Variants in TARS2 observed in about 807,000 individuals in gnomAD.
TARS2 encodes threonyl-tRNA synthetase 2, mitochondrial.
Under a neutral mutation model 94.4 loss-of-function variants are expected in TARS2, and 61 were observed. The ratio of observed to expected loss-of-function variants is 0.65; its 90% CI spans 0.53 to 0.80. The LOEUF (loss-of-function observed/expected upper bound fraction) is 0.80, where lower values mean the gene tolerates loss of function less well. TARS2 is among the 30% of genes least tolerant of loss of function. The pLI is 0.00. For synonymous variants in TARS2, 359 were observed against 353.4 expected, an observed-to-expected ratio of 1.02 and a Z score of -0.18; for missense variants, 704 against 902.5, an observed-to-expected ratio of 0.78 and a Z score of 2.82.
chr1:150,503,398 A>G (rs764380257), intron 13 of TARS2, among the ~76,000 whole-genome samples: 1 of 151,748 alleles, frequency 6.6e-6, no homozygotes, highest in African/African-American at 2.4e-5. Context: ...AATAGGAATA[A>G]TTGTCATGGC....
rs1225528283 is a variant in TARS2 at position 150,507,111 on chromosome 1, C to T, written c.*47C>T. ...AAAAACCTGCGAGTGCCATCAGCCT[C>T]CCTCACATGGGAGACCCCAACCCAG... is the stretch of plus-strand genomic sequence containing the variant. On this transcript the variant is annotated 3_prime_UTR_variant, in exon 18 of 18. Transcript: ENST00000369064. The T allele has an allele frequency of 1.2e-6, 2 of 1,608,540 alleles. No individual in the cohort carries two copies. Among genetic ancestry groups the T allele is most frequent in the Non-Finnish European group, 1.7e-6 (2 of 1,177,034 alleles).
intron 13 of TARS2, among the ~76,000 whole-genome samples, chr1:150,499,512 C>T (rs1057030705): frequency 4.6e-5 from 7 of 151,858 alleles, no homozygotes; most frequent in African/African-American, 1.2e-4. Flanking sequence ...TACAGGTGTA[C>T]GCCACCACAC....
intron 13 of TARS2, among the ~76,000 whole-genome samples, chr1:150,499,587 A>C (rs1669821928): frequency 6.6e-6 from 1 of 152,118 alleles, no homozygotes; most frequent in African/African-American, 2.4e-5. Context: ...ACTGGTCTCG[A>C]ACTCCTGACC....
At chr1:150,492,155 G>A (rs1026259004) in intron 6 of TARS2, 13 of 368,054 alleles carry the variant, frequency 3.5e-5, no homozygotes, top group East Asian at 2.3e-4. Context: ...TAGTAGAGAC[G>A]GGGTTTCACC....
rs9436118 is a variant in TARS2, at chr1:150,490,335, C to T, written c.388-266C>T. On this transcript the variant is annotated intron_variant, in intron 3 of 17. Transcript: ENST00000369064. Reference sequence around the variant, plus strand: ...GGTTTCACCATGTTGGCCAGACTGGCCTCGAACTCCTGACCTCAGATGATC... The same window carrying T: ...GGTTTCACCATGTTGGCCAGACTGGTCTCGAACTCCTGACCTCAGATGATC... Among the ~76,000 whole-genome samples, 87,988 of 151,412 alleles carry T rather than the reference C, an allele frequency of 0.58. 26,006 individuals are homozygous for T. Among genetic ancestry groups the T allele is most frequent in the Non-Finnish European group, 0.61 (41,736 of 67,864 alleles).
intron 10 of TARS2, among the ~76,000 whole-genome samples, chr1:150,498,049 C>T (rs915664151): frequency 3.4e-5 from 5 of 149,200 alleles, no homozygotes; most frequent in African/African-American, 7.4e-5. Context: ...GCCGAGATCG[C>T]GCCACTGCAC....
intron 6 of TARS2, 70 bp from the exon 7 acceptor site, chr1:150,492,341 G>T: frequency 6.7e-7 from 1 of 1,489,600 alleles, no homozygotes; most frequent in South Asian, 1.1e-5. Context: ...GTCAGCTAAA[G>T]ACCATGAGAG....
At chr1:150,502,263 G>A (rs587755489) in intron 13 of TARS2, among the ~76,000 whole-genome samples, 1 of 149,162 alleles carries the variant, frequency 6.7e-6, no homozygotes, top group South Asian at 2.1e-4. Flanking sequence ...TTGCTCTGTT[G>A]CCAGACTGAA....
In TARS2 at chr1:150,487,520, C is replaced by A; in HGVS notation, c.66+4C>A. The A allele has an allele frequency of 6.2e-7, 1 of 1,614,224 alleles. No homozygotes were observed. The highest frequency in any genetic ancestry group is 1.1e-5 in the South Asian group (1 of 91,090). ...ACAGGCTTGCAGGCTACACACGGTGCGTGAGGCACCCCCAAAGCTCCGATC... is the reference window on the plus strand; with the variant it reads ...ACAGGCTTGCAGGCTACACACGGTGAGTGAGGCACCCCCAAAGCTCCGATC... On this transcript the variant is annotated splice_donor_region_variant and intron_variant, in intron 1 of 17. Transcript: ENST00000369064.
chr1:150,502,367 C>T (rs1180195840), intron 13 of TARS2, among the ~76,000 whole-genome samples: 1 of 149,450 alleles, frequency 6.7e-6, no homozygotes, highest in Non-Finnish European at 1.5e-5. Context: ...GACAGGTGTG[C>T]ACCACCACGC....
chr1:150,489,126 A>C (rs745485748), intron 3 of TARS2, 39 bp downstream of exon 3: 1 of 1,613,428 alleles, frequency 6.2e-7, no homozygotes, highest in Non-Finnish European at 8.5e-7. Flanking sequence ...TGACTACTAA[A>C]CCAAGAGATA....
intron 3 of TARS2, 174 bp downstream of exon 3, chr1:150,489,261 A>G: frequency 1.1e-6 from 1 of 911,652 alleles, no homozygotes; most frequent in Non-Finnish European, 1.7e-6. Flanking sequence ...AAAGTTTTTA[A>G]CTTAGCTTCG....
In TARS2 at chr1:150,496,468, A is replaced by C. The variant is rs767358679; in HGVS notation, c.775-14A>C. The C allele has an allele frequency of 3.7e-6, 6 of 1,601,396 alleles. No individual in the cohort carries two copies. The East Asian group carries it at 1.3e-4, about 36-fold the overall frequency. On this transcript the variant is annotated splice_polypyrimidine_tract_variant and intron_variant, in intron 7 of 17. Transcript: ENST00000369064. ...GTCCTCATCTTTCCTTTGATCCCCT[A>C]TGTCCTCACACAGAACTCATCATCC...
Position 150,491,401 on chromosome 1 carries a change from C to T in TARS2, c.520C>T (p.Arg174Trp), listed in dbSNP as rs587652229. The change falls in exon 5 of 18, where the codon CGG (arginine) becomes TGG (tryptophan). Residue 174 changes from arginine to tryptophan, a missense_variant. Around this residue, in one of 3 missense-constraint regions of TARS2, gnomAD observed 208 missense variants for 228.5 expected, o/e 0.91. Transcript: ENST00000369064. ...DFFLGKERTI[R>W]GSELPVLERI... ...CAATTCTCCTCTTTCCAGGACAATCCGGGGCTCAGAGCTGCCTGTTTTGGA... is the reference window on the plus strand; with the variant it reads ...CAATTCTCCTCTTTCCAGGACAATCTGGGGCTCAGAGCTGCCTGTTTTGGA... 11 of 1,612,816 alleles carry T rather than the reference C, an allele frequency of 6.8e-6. No homozygotes were observed. The highest frequency in any genetic ancestry group is 5.3e-5 in the African/African-American group (4 of 75,000).
At chr1:150,503,659 GTGTGTATATA>G (rs1299865428) in intron 13 of TARS2, among the ~76,000 whole-genome samples, 11 of 149,630 alleles carry the variant, frequency 7.4e-5, no homozygotes, top group Non-Finnish European at 1.2e-4. Context: ...GTGTATATAT[GTGTGTATATA>G]TGTGTGTATA....
At chr1:150,503,575 GTGTA>G (rs1405392889) in intron 13 of TARS2, among the ~76,000 whole-genome samples, 6 of 138,026 alleles carry the variant, frequency 4.3e-5, no homozygotes, top group South Asian at 4.4e-4. Context: ...GTGTGTGTGT[GTGTA>G]TATATATGTG....
At chr1:150,493,458 T>A (rs1205536576) in intron 7 of TARS2, among the ~76,000 whole-genome samples, 2 of 152,070 alleles carry the variant, frequency 1.3e-5, no homozygotes, top group Non-Finnish European at 2.9e-5. Context: ...AGGGCATGCT[T>A]TTTATGAAAA....
intron 7 of TARS2, among the ~76,000 whole-genome samples, chr1:150,494,164 C>T (rs1037982870): frequency 5.9e-5 from 9 of 151,642 alleles, no homozygotes; most frequent in South Asian, 2.1e-4. Context: ...GTCAGGAGTT[C>T]GAGACCAGCC....
chr1:150,495,956 G>A (rs113904495), intron 7 of TARS2, among the ~76,000 whole-genome samples: 10 of 150,872 alleles, frequency 6.6e-5, no homozygotes, highest in African/African-American at 1.7e-4. Context: ...TCCTGACCTC[G>A]TGATCCGCCC....
Sources: allele counts gnomAD v4.1 joint callset (sites outside exome capture counted in the v4.1 genomes callset), GRCh38; gene constraint gnomAD v4.1.1; regional missense constraint gnomAD v4.1.1; transcripts MANE v1.5; gene names NCBI Gene and HGNC (gene_info 2026-07-23, HGNC 2026-07-21).